The following SBF1 variants were observed in gnomAD, a reference collection of about 807,000 sequenced individuals.
The protein encoded by SBF1 is SET binding factor 1, also known as myotubularin-related protein 5.
Under a neutral mutation model 215.8 loss-of-function variants are expected in SBF1, and 65 were observed. That is an observed-to-expected ratio of 0.30 (90% CI 0.25 to 0.37). SBF1 has a LOEUF of 0.37. Among genes scored for constraint, SBF1 ranks in the 10% least tolerant of loss-of-function variants. SBF1 has a pLI of 1.00. For synonymous variants in SBF1, 1,410 were observed against 1,122.8 expected (o/e 1.26, Z -5.11); for missense variants, 2,634 against 2,667.8 (o/e 0.99, Z 0.28).
Position 50,466,627 on chromosome 22 carries a change from C to T in SBF1, c.633G>A (p.Val211=). 1 of 1,552,844 alleles carries T rather than the reference C, an allele frequency of 6.4e-7. No individual in the cohort carries two copies. Among genetic ancestry groups the T allele is most frequent in the Non-Finnish European group, 8.7e-7 (1 of 1,147,862 alleles). ...CACCTAGCTGGCGGAAGAGCAGGGC[C>T]ACGCTGCAGCGGCTGACGGGCAGCG... ...ADSLPVSRCS[V]ALLFRQLGIT... The change falls in exon 6 of 41, where the codon GTG becomes GTA. Residue 211 remains valine (V), a synonymous_variant. Coordinates refer to ENST00000380817, the MANE Select transcript of SBF1 (RefSeq NM_002972.4).
rs546910924 is a variant in SBF1 at position 50,454,956 on chromosome 22, C to T, written c.4682-12G>A. On this transcript the variant is annotated splice_polypyrimidine_tract_variant and intron_variant, in intron 34 of 40. Transcript: ENST00000380817. ...CTCATACAGCAGCCCTGCACAGAAG[C>T]AGCACTGAGCCTGGGCCCCTCCTGA... 7 of 1,613,882 alleles carry T rather than the reference C, an allele frequency of 4.3e-6. No individual in the cohort carries two copies. The highest frequency in any genetic ancestry group is 1.1e-5 in the South Asian group (1 of 91,090).
chr22:50,460,357 C>T lies in SBF1; in HGVS notation c.3198G>A (p.Gln1066=). Residue 1066 remains glutamine (Q), a synonymous_variant, in exon 25 of 41, where the codon CAG becomes CAA. Coordinates refer to ENST00000380817, the MANE Select transcript of SBF1 (RefSeq NM_002972.4). ...GGTTGTACTTCTTGCGAGTGACATG[C>T]TGCCGCCCGATGGTCTTCTTGGCGT... The part of the protein sequence containing the change: ...VKNAKKTIGR[Q]HVTRKKYNPP... The T allele has an allele frequency of 5.6e-6, 9 of 1,613,538 alleles. No homozygotes were observed. Among genetic ancestry groups the T allele is most frequent in the Non-Finnish European group, 7.6e-6 (9 of 1,179,612 alleles).
In SBF1 at chr22:50,459,444, G is replaced by C. The variant is rs60676514; in HGVS notation, c.3688+26C>G. On this transcript the variant is annotated intron_variant, in intron 27 of 40. Transcript: ENST00000380817. ...GGGGAGGGTGAGATAGGGCAGGGCAGGCACAGGGCAGGACGCAGGAGGTAC... is the reference window on the plus strand; with the variant it reads ...GGGGAGGGTGAGATAGGGCAGGGCACGCACAGGGCAGGACGCAGGAGGTAC... The C allele has an allele frequency of 3.0e-3, 4,864 of 1,611,830 alleles. 125 individuals carry two copies. In the African/African-American group the frequency reaches 0.058, roughly 19 times the overall value.
chr22:50,464,835 T>C lies in SBF1; in HGVS notation c.1415A>G (p.Glu472Gly). ...RVLRHVQELA[E>G]QLYKNENPYP... is the part of the protein sequence containing the mutation. The stretch of plus-strand genomic sequence containing the variant: ...CCCTCGTACGTTCTTGTAGAGCTGC[T>C]CTGCCAGTTCCTGGACGTGACGCAG... The change falls in exon 13 of 41, where the codon GAG becomes GGG. Residue 472 changes from glutamate (E) to glycine (G), a missense_variant. Transcript: ENST00000380817. 1 of 1,613,660 alleles carries C rather than the reference T, an allele frequency of 6.2e-7. No individual in the cohort carries two copies. Among genetic ancestry groups the C allele is most frequent in the Non-Finnish European group, 8.5e-7 (1 of 1,180,014 alleles).
rs774188091 is a variant in SBF1 at position 50,464,379 on chromosome 22, G to A, written c.1699C>T (p.Arg567Cys). ...TCAAACACGTAGGAGATGCAGTTGCGCACAACCTCCAGCCGCCGGGCGCTG... is the reference window on the plus strand; with the variant it reads ...TCAAACACGTAGGAGATGCAGTTGCACACAACCTCCAGCCGCCGGGCGCTG... Reference protein sequence around the residue: ...VNSARRLEVVRNCISYVFEGK... With the variant: ...VNSARRLEVVCNCISYVFEGK... Residue 567 changes from arginine (R) to cysteine (C), a missense_variant, in exon 15 of 41, where the codon CGC (arginine) becomes TGC (cysteine). Coordinates refer to ENST00000380817, the MANE Select transcript of SBF1 (RefSeq NM_002972.4). 3.1e-6 allele frequency: 5 copies of A among 1,614,068 alleles called. No homozygotes were observed. The highest frequency in any genetic ancestry group is 4.2e-6 in the Non-Finnish European group (5 of 1,180,010).
chr22:50,447,013 A>G lies in SBF1; in HGVS notation c.*129T>C. 1.2e-6 allele frequency: 1 copy of G among 840,638 alleles called. No individual in the cohort carries two copies. Among genetic ancestry groups the G allele is most frequent in the Non-Finnish European group, 1.9e-6 (1 of 516,252 alleles). The allele number at this position is 840,638 out of a possible 1,614,324, so 52.1% of individuals were successfully genotyped here. A position where few individuals can be genotyped will look rare whatever the true frequency, so the allele number is the denominator to read the frequency against. ...CGGGGCGGGGACGGGGGCTGTACACACAAGTGCTGGGGGCTCGGGGCCTCA... is the reference window on the plus strand; with the variant it reads ...CGGGGCGGGGACGGGGGCTGTACACGCAAGTGCTGGGGGCTCGGGGCCTCA... On this transcript the variant is annotated 3_prime_UTR_variant, in exon 41 of 41. Transcript: ENST00000380817.
Position 50,448,774 on chromosome 22 carries a change from CAG to C in SBF1, c.5044-126_5044-125del, listed in dbSNP as rs554999962. On this transcript the variant is annotated intron_variant, in intron 36 of 40. Transcript: ENST00000380817. ...GGCCTAACGCGTGTGTGACTGGCCACAGGGGGAGGTGGCAAGAGGGAGGGAAG... is the reference window on the plus strand; with the variant it reads ...GGCCTAACGCGTGTGTGACTGGCCACGGGGAGGTGGCAAGAGGGAGGGAAG... 1.7e-3 allele frequency: 1,160 copies of C among 692,338 alleles called. 7 individuals carry two copies. Among genetic ancestry groups the C allele is most frequent in the South Asian group, 7.6e-3 (421 of 55,550 alleles). 42.9% of individuals were successfully genotyped at this position (692,338 alleles called of 1,614,324 possible). A position where few individuals can be genotyped will look rare whatever the true frequency, so the allele number is the denominator to read the frequency against.
chr22:50,459,420 G>A (rs768172633), intron 27 of SBF1, 28 bp from the exon 28 acceptor site: 6 of 1,611,882 alleles, frequency 3.7e-6, no homozygotes, highest in Non-Finnish European at 4.2e-6. Flanking sequence ...GCTGAGGGAG[G>A]GGAGGGTGAG....
In SBF1 at chr22:50,446,356, T is replaced by TGGGGGCCCCCCCCCCCCCCCC; in HGVS notation, c.*785_*786insGGGGGGGGGGGGGGGGCCCCC. ...CCTGCATTCCCCTGGGAGCCCACTGTCCCCCCCCCCCCCCCGCCTCCGGCC... is the reference window on the plus strand; with the variant it reads ...CCTGCATTCCCCTGGGAGCCCACTGTGGGGGCCCCCCCCCCCCCCCCCCCCCCCCCCCCCCCGCCTCCGGCC... On this transcript the variant is annotated 3_prime_UTR_variant, in exon 41 of 41. Transcript: ENST00000380817. 1 of 35,042 alleles carries TGGGGGCCCCCCCCCCCCCCCC rather than the reference T, an allele frequency of 2.9e-5. No homozygotes were observed. The highest frequency in any genetic ancestry group is 2.7e-4 in the Admixed American group (1 of 3,680). 2.2% of individuals were successfully genotyped at this position (35,042 alleles called of 1,614,324 possible).
chr22:50,454,575 C>A lies in SBF1; in HGVS notation c.4980G>T (p.Val1660=). The change falls in exon 36 of 41, where the codon GTG becomes GTT. Residue 1660 remains valine, a synonymous_variant. Transcript: ENST00000380817. ...GGCAGCTGTCGTAACAGGGCCACAC[C>A]ACGCGGCGCCTGCTCTGGGGAGCGC... ...DGGAPQSRRR[V]VWPCYDSCPR... 2 of 1,611,690 alleles carry A rather than the reference C, an allele frequency of 1.2e-6. No homozygotes were observed. Among genetic ancestry groups the A allele is most frequent in the Non-Finnish European group, 8.5e-7 (1 of 1,179,640 alleles).
At chr22:50,465,403 C>A (rs926683671) in intron 10 of SBF1, 75 bp from the exon 11 acceptor site, 1 of 1,215,506 alleles carries the variant, frequency 8.2e-7, no homozygotes, top group South Asian at 1.4e-5. Context: ...AGCTTCTCCA[C>A]ACCCCAACCC....
intron 5 of SBF1, 82 bp from the exon 6 acceptor site, chr22:50,466,792 G>A (rs921854990): frequency 5.0e-6 from 5 of 997,634 alleles, no homozygotes; most frequent in Middle Eastern, 4.3e-4. Context: ...TCCCCAGGCA[G>A]ACCCTGGTGT....
rs777083733 is a variant in SBF1, at chr22:50,454,627, G to T, written c.4928C>A (p.Pro1643His). The T allele has an allele frequency of 6.2e-7, 1 of 1,602,670 alleles. No individual in the cohort carries two copies. The highest frequency in any genetic ancestry group is 1.1e-5 in the South Asian group (1 of 89,776). The change falls in exon 36 of 41, where the codon CCC (proline) becomes CAC (histidine). Residue 1643 changes from proline to histidine, a missense_variant. Pro to His is a moderately conservative substitution (Grantham distance 77, BLOSUM62 -2). Transcript: ENST00000380817. Reference protein sequence around the residue: ...DWELAQGPPEPPEEERSDGGA... With the variant: ...DWELAQGPPEHPEEERSDGGA... ...TCCATCAGACCGTTCTTCCTCTGGGGGTTCAGGGGGCCCCTGGGCCAGTTC... is the reference window on the plus strand; with the variant it reads ...TCCATCAGACCGTTCTTCCTCTGGGTGTTCAGGGGGCCCCTGGGCCAGTTC...
intron 28 of SBF1, 146 bp from the exon 29 acceptor site, chr22:50,457,257 A>G (rs1051258933): frequency 1.2e-5 from 7 of 593,430 alleles, no homozygotes; most frequent in South Asian, 3.1e-5. Flanking sequence ...TGATCGCAGG[A>G]AAGTGGGAAG....
rs1002729314 is a variant in SBF1 at position 50,461,295 on chromosome 22, A to G, written c.2840-9T>C. The G allele has an allele frequency of 2.0e-6, 3 of 1,522,742 alleles. No individual in the cohort carries two copies. The highest frequency in any genetic ancestry group is 2.7e-6 in the Non-Finnish European group (3 of 1,120,746). 94.3% of individuals were successfully genotyped at this position (1,522,742 alleles called of 1,614,324 possible). A position where few individuals can be genotyped will look rare whatever the true frequency, so the allele number is the denominator to read the frequency against. ...CACCACCTGCTCCCCAACTTAGGAC[A>G]GGCCAGGCAGAGTCAGAAGCAAGGA... On this transcript the variant is annotated splice_polypyrimidine_tract_variant and intron_variant, in intron 22 of 40. Coordinates refer to ENST00000380817, the MANE Select transcript of SBF1 (RefSeq NM_002972.4).
rs766048226 is a variant in SBF1, at chr22:50,463,421, G to A, written c.1761C>T (p.Ala587=). The A allele has an allele frequency of 5.3e-5, 84 of 1,575,932 alleles. No individual in the cohort carries two copies. The highest frequency in any genetic ancestry group is 6.9e-5 in the East Asian group (3 of 43,268). Reference sequence around the variant, plus strand: ...CTCGCCCCTTCAGGGCCCTCAACACGGCTGGGAGCAGCTGGGGGTGGGGAA... The same window carrying A: ...CTCGCCCCTTCAGGGCCCTCAACACAGCTGGGAGCAGCTGGGGGTGGGGAA... ...KMLEAKKLLP[A]VLRALKGRAA... is the part of the protein sequence containing the mutation. Residue 587 remains alanine (A), a synonymous_variant, in exon 16 of 41, where the codon GCC becomes GCT. Coordinates refer to ENST00000380817, the MANE Select transcript of SBF1 (RefSeq NM_002972.4).
At chr22:50,449,001 C>G (rs1377423528) in intron 36 of SBF1, among the ~76,000 whole-genome samples, 1 of 151,312 alleles carries the variant, frequency 6.6e-6, no homozygotes, top group Admixed American at 6.6e-5. Flanking sequence ...AGTTTGAGAC[C>G]AGCCTGACAA....
chr22:50,451,941 C>T (rs368116669), intron 36 of SBF1, among the ~76,000 whole-genome samples: 64 of 151,968 alleles, frequency 4.2e-4, no homozygotes, highest in African/African-American at 1.4e-3. Flanking sequence ...GGATTACAGG[C>T]ACCCGCCACC....
rs935751720 is a variant in SBF1 at position 50,445,044 on chromosome 22, C to CACCCCAA, written c.*2091_*2097dup. ...TTAATGTTCTGATCACCTGACAGGGCACCCCAAACCCCCAACTCCCAATAA... is the reference window on the plus strand; with the variant it reads ...TTAATGTTCTGATCACCTGACAGGGCACCCCAAACCCCAAACCCCCAACTCCCAATAA... On this transcript the variant is annotated 3_prime_UTR_variant, in exon 41 of 41. Coordinates refer to ENST00000380817, the MANE Select transcript of SBF1 (RefSeq NM_002972.4). 5.2e-5 allele frequency: 8 copies of CACCCCAA among 152,694 alleles called. No individual in the cohort carries two copies. The highest frequency in any genetic ancestry group is 1.7e-4 in the African/African-American group (7 of 41,440). The allele number at this position is 152,694 out of a possible 1,614,324, so 9.5% of individuals were successfully genotyped here. A position where few individuals can be genotyped will look rare whatever the true frequency, so the allele number is the denominator to read the frequency against.
Sources: gnomAD v4.1 joint callset for allele counts (sites outside exome capture counted in the v4.1 genomes callset) on GRCh38, gnomAD v4.1.1 for gene constraint, MANE v1.5 for transcripts, NCBI Gene and HGNC (gene_info 2026-07-23, HGNC 2026-07-21) for gene names.